The following CLIC6 variants were observed in gnomAD, a reference collection of about 807,000 sequenced individuals.
CLIC6 encodes the protein CLIC family member 6, also known as chloride intracellular channel protein 6.
In CLIC6, 39 loss-of-function variants were observed where a neutral mutation model predicts 49.2. The observed-to-expected ratio is 0.79, with a 90% CI of 0.61 to 1.04. The LOEUF is 1.04. CLIC6 is among the 50% of genes least tolerant of loss of function. CLIC6 has a pLI of 0.00. For missense variants in CLIC6, 988 were observed against 993.1 expected (o/e 0.99, Z 0.07); for synonymous variants, 446 against 433.4 (o/e 1.03, Z -0.36).
chr21:34,711,191 G>T (rs2056054039), intron 5 of CLIC6, among the ~76,000 whole-genome samples: 1 of 152,220 alleles, frequency 6.6e-6, no homozygotes, highest in Admixed American at 6.5e-5. Context: ...GGAAAAATAA[G>T]TCATGGACTG....
chr21:34,716,306 T>C lies in CLIC6; in HGVS notation c.1900-15T>C, dbSNP rs763867886. On this transcript the variant is annotated splice_polypyrimidine_tract_variant and intron_variant, in intron 5 of 5. Coordinates refer to ENST00000349499, the MANE Select transcript of CLIC6 (RefSeq NM_053277.3). Reference sequence around the variant, plus strand: ...CAAGTTTTCCCTTTACTGATCATTTTCTCTTCATTTTCAGATTGTGGCCAA... The same window carrying C: ...CAAGTTTTCCCTTTACTGATCATTTCCTCTTCATTTTCAGATTGTGGCCAA... 3 of 1,608,412 alleles carry C rather than the reference T, an allele frequency of 1.9e-6. No homozygotes were observed. The South Asian group carries it at 3.3e-5, about 18-fold the overall frequency.
At chr21:34,712,058 A>G (rs1355533397) in intron 5 of CLIC6, among the ~76,000 whole-genome samples, 3 of 152,190 alleles carry the variant, frequency 2.0e-5, no homozygotes, top group Non-Finnish European at 4.4e-5. Flanking sequence ...TTTAGCTCCC[A>G]TGAGAAAAGA....
At chr21:34,679,336 G>A (rs1262523516) in intron 1 of CLIC6, among the ~76,000 whole-genome samples, 1 of 152,140 alleles carries the variant, frequency 6.6e-6, no homozygotes, top group Non-Finnish European at 1.5e-5. Context: ...AACAGCATGG[G>A]GGAAACTTCT....
At chr21:34,712,612 G>A (rs2056063865) in intron 5 of CLIC6, among the ~76,000 whole-genome samples, 1 of 152,150 alleles carries the variant, frequency 6.6e-6, no homozygotes, top group African/African-American at 2.4e-5. Context: ...ATTGAAGGAG[G>A]AGCCACACAG....
intron 1 of CLIC6, among the ~76,000 whole-genome samples, chr21:34,673,237 T>TC (rs1989600098): frequency 6.6e-6 from 1 of 152,146 alleles, no homozygotes; most frequent in Admixed American, 6.5e-5. Flanking sequence ...TGCTAACTTT[T>TC]TTTTTTCTTA....
chr21:34,678,171 C>G (rs2145798810), intron 1 of CLIC6, among the ~76,000 whole-genome samples: 1 of 152,106 alleles, frequency 6.6e-6, no homozygotes, highest in Non-Finnish European at 1.5e-5. Flanking sequence ...GTGGCTCACG[C>G]CTGTAATCCC....
intron 1 of CLIC6, among the ~76,000 whole-genome samples, chr21:34,680,630 A>G (rs1989760098): frequency 6.6e-6 from 1 of 152,180 alleles, no homozygotes; most frequent in South Asian, 2.1e-4. Flanking sequence ...CTTCCACCAG[A>G]TACCCTAAAT....
chr21:34,711,520 T>TAAAC (rs776598191), intron 5 of CLIC6, among the ~76,000 whole-genome samples: 13 of 142,174 alleles, frequency 9.1e-5, no homozygotes, highest in Non-Finnish European at 1.5e-4. Flanking sequence ...CTCTGTCAAA[T>TAAAC]AAACAAACAA....
intron 1 of CLIC6, among the ~76,000 whole-genome samples, chr21:34,678,466 C>T (rs913675780): frequency 1.3e-5 from 2 of 151,662 alleles, no homozygotes; most frequent in African/African-American, 4.8e-5. Flanking sequence ...CGATTCCTAG[C>T]TTATACCTAC....
At chr21:34,693,429 G>A (rs947510235) in intron 1 of CLIC6, among the ~76,000 whole-genome samples, 3 of 152,160 alleles carry the variant, frequency 2.0e-5, no homozygotes, top group African/African-American at 7.2e-5. Context: ...CCACTAGGGG[G>A]CACCAATGGC....
intron 5 of CLIC6, among the ~76,000 whole-genome samples, chr21:34,713,246 C>T (rs565544151): frequency 1.8e-4 from 28 of 152,186 alleles, no homozygotes; most frequent in Non-Finnish European, 7.4e-5. Context: ...CATTAAAGAA[C>T]GTTTCTTACA....
intron 5 of CLIC6, among the ~76,000 whole-genome samples, chr21:34,714,140 A>G (rs2056072937): frequency 6.6e-6 from 1 of 152,232 alleles, no homozygotes; most frequent in Non-Finnish European, 1.5e-5. Context: ...AATCATAATC[A>G]AAGTAAGAAT....
chr21:34,709,003 C>G (rs2056036923), intron 4 of CLIC6, among the ~76,000 whole-genome samples, 197 bp downstream of exon 4: 1 of 152,182 alleles, frequency 6.6e-6, no homozygotes. Context: ...GCTGGGAACT[C>G]AGAAAACAAC....
chr21:34,715,839 G>A (rs1343352923), intron 5 of CLIC6, among the ~76,000 whole-genome samples: 1 of 152,238 alleles, frequency 6.6e-6, no homozygotes, highest in Non-Finnish European at 1.5e-5. Flanking sequence ...CTTAGTGGCA[G>A]CATGATGGCA....
chr21:34,670,518 G>A lies in CLIC6; in HGVS notation c.1130G>A (p.Ser377Asn). The stretch of plus-strand genomic sequence containing the variant: ...GAGGACGAAGAGAGACGAGAGCGGA[G>A]CCCGGAGGGGCCAAGGGAGGAGGAA... ...PGEDEERRER[S>N]PEGPREEEAA... Residue 377 changes from serine to asparagine, a missense_variant, in exon 1 of 6, where the codon AGC (serine) becomes AAC (asparagine). By Grantham distance (46) the Ser-to-Asn change is conservative (BLOSUM62 1). Transcript: ENST00000349499. 1 of 1,495,674 alleles carries A rather than the reference G, an allele frequency of 6.7e-7. No individual in the cohort carries two copies. Among genetic ancestry groups the A allele is most frequent in the Non-Finnish European group, 8.9e-7 (1 of 1,122,040 alleles). 92.7% of individuals were successfully genotyped at this position (1,495,674 alleles called of 1,614,324 possible).
intron 1 of CLIC6, among the ~76,000 whole-genome samples, chr21:34,695,782 T>C (rs1224633031): frequency 6.6e-6 from 1 of 152,228 alleles, no homozygotes; most frequent in East Asian, 1.9e-4. Flanking sequence ...AAGGCAGACA[T>C]TGGTTTTACC....
chr21:34,707,529 C>A, intron 2 of CLIC6, 140 bp downstream of exon 2: 1 of 663,004 alleles, frequency 1.5e-6, no homozygotes, highest in Non-Finnish European at 2.6e-6. Context: ...GAACTGAAGC[C>A]CACATGTGGG....
Position 34,705,539 on chromosome 21 carries a change from G to A in CLIC6, c.1375-1741G>A, listed in dbSNP as rs1440196324. 2.6e-5 allele frequency among the ~76,000 whole-genome samples: 4 copies of A among 152,194 alleles called. No homozygotes were observed. In the East Asian group the frequency reaches 7.7e-4, roughly 29 times the overall value. The stretch of plus-strand genomic sequence containing the variant: ...CCAGCAACTTCAAGATACCTGGAGA[G>A]ATTCTCAGACCCTCCCCTCTAATAG... On this transcript the variant is annotated intron_variant, in intron 1 of 5. Coordinates refer to ENST00000349499, the MANE Select transcript of CLIC6 (RefSeq NM_053277.3).
intron 1 of CLIC6, among the ~76,000 whole-genome samples, chr21:34,690,802 G>T (rs1247759852): frequency 6.6e-6 from 1 of 150,680 alleles, no homozygotes; most frequent in Non-Finnish European, 1.5e-5. Context: ...AAATAGTGTG[G>T]GTGCCCCCTC....
Sources: gnomAD v4.1 joint callset for allele counts (sites outside exome capture counted in the v4.1 genomes callset) on GRCh38, gnomAD v4.1.1 for gene constraint, MANE v1.5 for transcripts, NCBI Gene and HGNC (gene_info 2026-07-23, HGNC 2026-07-21) for gene names.